Variants in FGD6 observed in about 807,000 individuals in gnomAD.
FGD6 encodes FYVE, RhoGEF and PH domain-containing protein 6.
A neutral mutation model predicts 149.4 loss-of-function variants in FGD6; 90 were observed. That is an observed-to-expected ratio of 0.60 (90% CI 0.51 to 0.72). The LOEUF is 0.72. FGD6 is among the 30% of genes least tolerant of loss of function. The pLI is 0.00. For missense variants in FGD6, 1,437 were observed against 1,684.8 expected (o/e 0.85, Z 2.57); for synonymous variants, 527 against 584.0 (o/e 0.90, Z 1.41).
intron 1 of FGD6, among the ~76,000 whole-genome samples, chr12:95,214,861 CT>C (rs1171146305): frequency 0.075 from 9,696 of 129,096 alleles, 201 homozygotes; most frequent in Middle Eastern, 0.1. Context: ...CTCCTTTTTT[CT>C]TTTTTTTTTT....
At position 95,090,792 on chromosome 12, in the gene FGD6, C is replaced by T. The variant is rs115490667; in HGVS notation, c.3850+915G>A. Among the ~76,000 whole-genome samples the T allele has an allele frequency of 8.5e-4, 130 of 152,262 alleles. 1 individual carries two copies. Among genetic ancestry groups the T allele is most frequent in the African/African-American group, 3.1e-3 (129 of 41,556 alleles). ...AGCTATCCTTCAGGGAAATGAAGAACAGACTTTCAAAAATTTAGATCCTGG... is the reference window on the plus strand; with the variant it reads ...AGCTATCCTTCAGGGAAATGAAGAATAGACTTTCAAAAATTTAGATCCTGG... On this transcript the variant is annotated intron_variant, in intron 17 of 20. Transcript: ENST00000343958.
chr12:95,093,712 G>T (rs1449158159), intron 15 of FGD6, among the ~76,000 whole-genome samples: 1 of 151,426 alleles, frequency 6.6e-6, no homozygotes, highest in African/African-American at 2.4e-5. Flanking sequence ...AGCTGGTCAT[G>T]GTGGCACGTG....
intron 2 of FGD6, among the ~76,000 whole-genome samples, chr12:95,193,148 G>A (rs1881638572): frequency 6.6e-6 from 1 of 152,038 alleles, no homozygotes; most frequent in Non-Finnish European, 1.5e-5. Flanking sequence ...TGCACTTTTG[G>A]GCATTTATTC....
At chr12:95,198,436 C>T (rs12820518) in intron 2 of FGD6, among the ~76,000 whole-genome samples, 38,904 of 152,034 alleles carry the variant, frequency 0.26, 5,794 homozygotes, top group East Asian at 0.39. Context: ...CAAGCGATTA[C>T]TATTTTTTTT....
chr12:95,134,844 C>G lies in FGD6; in HGVS notation c.2995-18G>C. 6.2e-7 allele frequency: 1 copy of G among 1,600,566 alleles called. No individual in the cohort carries two copies. Among genetic ancestry groups the G allele is most frequent in the South Asian group, 1.1e-5 (1 of 89,296 alleles). ...GGGCTCATCTGAAAGGAGAAGGCAT[C>G]TAAATTAACACAGTGTTTTCTAAGA... On this transcript the variant is annotated intron_variant, in intron 7 of 20. Transcript: ENST00000343958.
intron 8 of FGD6, among the ~76,000 whole-genome samples, chr12:95,117,416 G>C (rs1879050153): frequency 6.6e-6 from 1 of 150,822 alleles, no homozygotes; most frequent in Non-Finnish European, 1.5e-5. Flanking sequence ...GGATATGCAA[G>C]CTGCCTTTTT....
chr12:95,113,231 CTTTT>C (rs11343496), intron 9 of FGD6, among the ~76,000 whole-genome samples: 3 of 109,618 alleles, frequency 2.7e-5, no homozygotes, highest in Non-Finnish European at 3.7e-5. Context: ...GGCCTCAAGT[CTTTT>C]TTTTTTTTTT....
In FGD6 at chr12:95,165,812, TG is replaced by T. The variant is rs1341058128; in HGVS notation, c.2586+6787del. 6.6e-5 allele frequency among the ~76,000 whole-genome samples: 10 copies of T among 151,728 alleles called. No individual in the cohort carries two copies. In the South Asian group the frequency reaches 1.0e-3, roughly 16 times the overall value. ...ACCACCATACCTGGCTAATTTTTTG[TG>T]TCTGTTTTTTTTTTGTAGGCATGGG... On this transcript the variant is annotated intron_variant, in intron 3 of 20. Coordinates refer to ENST00000343958, the MANE Select transcript of FGD6 (RefSeq NM_018351.4).
intron 8 of FGD6, among the ~76,000 whole-genome samples, chr12:95,120,124 G>A (rs1315840992): frequency 2.6e-5 from 4 of 151,616 alleles, no homozygotes; most frequent in African/African-American, 9.7e-5. Context: ...AGCTACCCAG[G>A]AGGCTGAGAC....
chr12:95,091,625 C>T (rs367810700), intron 17 of FGD6, 82 bp downstream of exon 17: 324 of 818,358 alleles, frequency 4.0e-4, no homozygotes, highest in Non-Finnish European at 5.9e-4. Flanking sequence ...GCTAATGTAC[C>T]GAAGGTGTTT....
chr12:95,164,353 T>C (rs1164718108), intron 3 of FGD6, among the ~76,000 whole-genome samples: 1 of 151,732 alleles, frequency 6.6e-6, no homozygotes, highest in East Asian at 1.9e-4. Context: ...GCCATTCTCC[T>C]GCCTCAGCAG....
chr12:95,156,760 G>A (rs1338899078), intron 3 of FGD6, among the ~76,000 whole-genome samples: 1 of 152,024 alleles, frequency 6.6e-6, no homozygotes, highest in African/African-American at 2.4e-5. Flanking sequence ...GTCTCCCCCG[G>A]ACACTCAGCT....
intron 2 of FGD6, among the ~76,000 whole-genome samples, chr12:95,203,937 C>T (rs1260677103): frequency 1.3e-5 from 2 of 152,148 alleles, no homozygotes; most frequent in Non-Finnish European, 2.9e-5. Context: ...CTCAAAGGCT[C>T]AAATTTTAGG....
At chr12:95,120,512 C>G (rs1055279132) in intron 8 of FGD6, among the ~76,000 whole-genome samples, 11 of 151,840 alleles carry the variant, frequency 7.2e-5, no homozygotes, top group African/African-American at 2.7e-4. Context: ...CATAGCGAAA[C>G]CCTGTCTCTA....
At chr12:95,182,891 C>T (rs1451269320) in intron 2 of FGD6, among the ~76,000 whole-genome samples, 1 of 152,248 alleles carries the variant, frequency 6.6e-6, no homozygotes, top group Admixed American at 6.5e-5. Context: ...TGACTACCTT[C>T]TCTAACAGGG....
chr12:95,209,180 T>C lies in FGD6; in HGVS notation c.2104A>G (p.Lys702Glu). 2.5e-6 allele frequency: 4 copies of C among 1,614,094 alleles called. No individual in the cohort carries two copies. The highest frequency in any genetic ancestry group is 3.4e-6 in the Non-Finnish European group (4 of 1,180,014). The change falls in exon 2 of 21, where the codon AAG (lysine) becomes GAG (glutamate). Residue 702 changes from lysine to glutamate, a missense_variant. Transcript: ENST00000343958. ...TGGCCCCGAGACTTCTTCCTCTTCT[T>C]TTGAGATTCCAGGCTATAGTTTTCT... ...STENYSLESQ[K>E]KRKKSRGQTS...
intron 14 of FGD6, among the ~76,000 whole-genome samples, chr12:95,104,483 C>CTGGA (rs966923191): frequency 5.3e-5 from 8 of 151,838 alleles, no homozygotes; most frequent in African/African-American, 1.5e-4. Flanking sequence ...GTCACCTAGG[C>CTGGA]TGGAGTGCAG....
At chr12:95,162,483 C>T (rs543449253) in intron 3 of FGD6, among the ~76,000 whole-genome samples, 1 of 152,216 alleles carries the variant, frequency 6.6e-6, no homozygotes, top group South Asian at 2.1e-4. Context: ...GTCAAGATTG[C>T]GCCACTGTAC....
intron 2 of FGD6, among the ~76,000 whole-genome samples, chr12:95,202,146 T>C (rs2056667227): frequency 6.6e-6 from 1 of 151,924 alleles, no homozygotes; most frequent in African/African-American, 2.4e-5. Flanking sequence ...TCCCAACACT[T>C]TGGGAGGCCG....
Sources: gnomAD v4.1 joint callset for allele counts (sites outside exome capture counted in the v4.1 genomes callset) on GRCh38, gnomAD v4.1.1 for gene constraint, MANE v1.5 for transcripts, NCBI Gene and HGNC (gene_info 2026-07-23, HGNC 2026-07-21) for gene names.